The following CACNA1C variants were observed in gnomAD, a reference collection of about 807,000 sequenced individuals.
The protein encoded by CACNA1C is calcium voltage-gated channel subunit alpha1 C, also known as voltage-dependent L-type calcium channel subunit alpha-1C.
CACNA1C carries 30 observed loss-of-function variants against 229.0 expected under a neutral mutation model. That is an observed-to-expected ratio of 0.13 (90% CI 0.10 to 0.18). The LOEUF is 0.18. Among genes scored for constraint, CACNA1C ranks in the 10% least tolerant of loss-of-function variants. CACNA1C has a pLI of 1.00. For synonymous variants in CACNA1C, 1,114 were observed against 1,132.5 expected, an observed-to-expected ratio of 0.98 and a Z score of 0.33; for missense variants, 1,658 against 2,845.0, an observed-to-expected ratio of 0.58 and a Z score of 9.49.
chr12:2,106,028 G>T (rs1200900924), intron 1 of CACNA1C, among the ~76,000 whole-genome samples: 1 of 38,356 alleles, frequency 2.6e-5, no homozygotes. Context: ...TTCCACCTCA[G>T]CTGGGGCGTC....
intron 7 of CACNA1C, among the ~76,000 whole-genome samples, chr12:2,498,785 T>G: frequency 6.6e-6 from 1 of 152,164 alleles, no homozygotes; most frequent in East Asian, 1.9e-4. Context: ...TTGTCTCAGT[T>G]TGGGAGGCCG....
chr12:2,296,197 G>A (rs910434109), intron 3 of CACNA1C, among the ~76,000 whole-genome samples: 1 of 152,208 alleles, frequency 6.6e-6, no homozygotes. Flanking sequence ...AATGGAGTGG[G>A]GACGTGATAG....
chr12:2,077,222 T>TC (rs2063533657), intron 1 of CACNA1C, among the ~76,000 whole-genome samples: 1 of 152,256 alleles, frequency 6.6e-6, no homozygotes, highest in South Asian at 2.1e-4. Flanking sequence ...GGTAAGTGTT[T>TC]CATAATGGGG....
chr12:2,466,373 A>G (rs2099550785), intron 5 of CACNA1C, among the ~76,000 whole-genome samples: 1 of 152,218 alleles, frequency 6.6e-6, no homozygotes, highest in African/African-American at 2.4e-5. Context: ...TGGTCCCTGC[A>G]AACAGCTCCT....
chr12:2,363,955 G>A (rs2097650251), intron 3 of CACNA1C, among the ~76,000 whole-genome samples: 1 of 152,192 alleles, frequency 6.6e-6, no homozygotes, highest in African/African-American at 2.4e-5. Flanking sequence ...AGGCCAGGAG[G>A]CCAGTGCCAT....
chr12:2,491,379 T>C (rs533202113), intron 6 of CACNA1C, among the ~76,000 whole-genome samples: 9 of 151,998 alleles, frequency 5.9e-5, no homozygotes, highest in African/African-American at 1.9e-4. Flanking sequence ...GCATGTAAAT[T>C]ATAAGTCAAT....
intron 3 of CACNA1C, among the ~76,000 whole-genome samples, chr12:2,280,268 GATACCTTGCTGTGCTTCGGTTTA>G: frequency 2.3e-5 from 2 of 85,270 alleles, no homozygotes; most frequent in East Asian, 3.1e-4. Flanking sequence ...TTAACCTCTT[GATACCTTGCTGTGCTTCGGTTTA>G]ACCTCTTGAT....
chr12:2,228,764 C>T (rs1481099549), intron 3 of CACNA1C, among the ~76,000 whole-genome samples: 4 of 152,146 alleles, frequency 2.6e-5, no homozygotes, highest in African/African-American at 9.7e-5. Flanking sequence ...TGAACAGTGC[C>T]CCACTTTTCC....
intron 3 of CACNA1C, among the ~76,000 whole-genome samples, chr12:2,315,117 T>C (rs771280109): frequency 6.6e-6 from 1 of 152,144 alleles, no homozygotes; most frequent in Non-Finnish European, 1.5e-5. Flanking sequence ...CACGTCCTCC[T>C]CTCTCCCGGG....
intron 3 of CACNA1C, among the ~76,000 whole-genome samples, chr12:2,235,349 C>T (rs1467931163): frequency 6.6e-6 from 1 of 152,226 alleles, no homozygotes; most frequent in African/African-American, 2.4e-5. Context: ...GGGTCCAACA[C>T]AGATTTTCTC....
chr12:2,412,400 G>A (rs1446462107), intron 3 of CACNA1C, among the ~76,000 whole-genome samples: 1 of 152,254 alleles, frequency 6.6e-6, no homozygotes, highest in African/African-American at 2.4e-5. Context: ...TTGAGATCAT[G>A]GGGATAAGGG....
chr12:2,378,001 T>C (rs1394629795), intron 3 of CACNA1C, among the ~76,000 whole-genome samples: 2 of 152,162 alleles, frequency 1.3e-5, no homozygotes, highest in African/African-American at 4.8e-5. Context: ...TCTGGTGGTC[T>C]TGAGCCTAGA....
At chr12:2,586,003 C>T (rs1262141288) in intron 18 of CACNA1C, 99 bp downstream of exon 18, 1 of 642,000 alleles carries the variant, frequency 1.6e-6, no homozygotes, top group African/African-American at 1.9e-5. Flanking sequence ...GACCATGGTT[C>T]CAGTGTCCCT....
At chr12:2,339,735 G>A (rs1430999380) in intron 3 of CACNA1C, among the ~76,000 whole-genome samples, 1 of 152,150 alleles carries the variant, frequency 6.6e-6, no homozygotes, top group Non-Finnish European at 1.5e-5. Context: ...GAATTTTTCA[G>A]CCTCATTATA....
At chr12:2,565,457 G>A (rs1340724344) in intron 11 of CACNA1C, among the ~76,000 whole-genome samples, 1 of 132,106 alleles carries the variant, frequency 7.6e-6, no homozygotes, top group East Asian at 2.3e-4. Flanking sequence ...CTGGGCGACA[G>A]AGCGAGACTC....
chr12:2,309,340 C>T (rs2095288891), intron 3 of CACNA1C, among the ~76,000 whole-genome samples: 1 of 152,024 alleles, frequency 6.6e-6, no homozygotes, highest in South Asian at 2.1e-4. Context: ...GCTAAAGGGG[C>T]TTGGGGGAAG....
rs1220216955 is a variant in CACNA1C, at chr12:2,572,999, CCTT to C, written c.1895+5211_1895+5213del. 2.6e-4 allele frequency among the ~76,000 whole-genome samples: 38 copies of C among 145,924 alleles called. 1 individual carries two copies. Among genetic ancestry groups the C allele is most frequent in the African/African-American group, 9.3e-4 (37 of 39,766 alleles). On this transcript the variant is annotated intron_variant, in intron 13 of 46. Transcript: ENST00000399655. ...CTCCTCCTGTCCTCTTCCTTCTCCT[CCTT>C]CTTCTCCTCCTCCTCCTCCTTCTTC... is the stretch of plus-strand genomic sequence containing the variant.
In CACNA1C at chr12:2,632,379, C is replaced by G. The variant is rs917584363; in HGVS notation, c.3829-1918C>G. Reference sequence around the variant, plus strand: ...GGGGGTGTATGCACCCATTCAGTCACAGAACATCGCTGTGCAGGCCCCTAC... The same window carrying G: ...GGGGGTGTATGCACCCATTCAGTCAGAGAACATCGCTGTGCAGGCCCCTAC... On this transcript the variant is annotated intron_variant, in intron 29 of 46. Coordinates refer to ENST00000399655, the MANE Select transcript of CACNA1C (RefSeq NM_000719.7). This position sits in a 1 kb window ranked among gnomAD's most constrained non-coding sequence, Gnocchi z 4.1. Among the ~76,000 whole-genome samples, 2 of 151,980 alleles carry G rather than the reference C, an allele frequency of 1.3e-5. No individual in the cohort carries two copies. Among genetic ancestry groups the G allele is most frequent in the Non-Finnish European group, 2.9e-5 (2 of 67,988 alleles).
In CACNA1C at chr12:2,678,661, C is replaced by T. The variant is rs1488931044; in HGVS notation, c.5092-783C>T. Among the ~76,000 whole-genome samples, 1 of 152,202 alleles carries T rather than the reference C, an allele frequency of 6.6e-6. No individual in the cohort carries two copies. Among genetic ancestry groups the T allele is most frequent in the African/African-American group, 2.4e-5 (1 of 41,452 alleles). On this transcript the variant is annotated intron_variant, in intron 41 of 46. Transcript: ENST00000399655. This position sits in a 1 kb window ranked among gnomAD's most constrained non-coding sequence, Gnocchi z 4.1. ...AGCTGAGCCCATCCTGCCCCTGCTC[C>T]GTCTCTTCCTCATCCTTATTCTTGT... is the stretch of plus-strand genomic sequence containing the variant.
Sources: allele counts gnomAD v4.1 joint callset (sites outside exome capture counted in the v4.1 genomes callset), GRCh38; gene constraint gnomAD v4.1.1; non-coding constraint Gnocchi (gnomAD v3.1); transcripts MANE v1.5; gene names NCBI Gene and HGNC (gene_info 2026-07-23, HGNC 2026-07-21).